The following EXOC6B variants were observed in gnomAD, a reference collection of about 807,000 sequenced individuals.
EXOC6B encodes the protein SEC15 homolog B.
Under a neutral mutation model 113.5 loss-of-function variants are expected in EXOC6B, and 54 were observed. The ratio of observed to expected loss-of-function variants is 0.48; its 90% CI spans 0.38 to 0.60. The LOEUF is 0.60. EXOC6B is among the 20% of genes least tolerant of loss of function. The pLI, the probability that EXOC6B is intolerant of heterozygous loss-of-function variation, is 0.00. For missense variants in EXOC6B, 797 were observed against 977.5 expected (o/e 0.82, Z 2.46); for synonymous variants, 357 against 339.0 (o/e 1.05, Z -0.58).
chr2:72,617,939 C>T (rs560210206), intron 6 of EXOC6B, among the ~76,000 whole-genome samples: 25 of 152,202 alleles, frequency 1.6e-4, no homozygotes, highest in Middle Eastern at 3.4e-3. Context: ...TCACCCCATT[C>T]GGGAGGTCTA....
chr2:72,543,553 C>T (rs904004376), intron 8 of EXOC6B, among the ~76,000 whole-genome samples: 4 of 152,096 alleles, frequency 2.6e-5, no homozygotes, highest in African/African-American at 9.7e-5. Flanking sequence ...CTTTTTCCCC[C>T]GCCTTGTTTT....
intron 7 of EXOC6B, among the ~76,000 whole-genome samples, chr2:72,574,608 G>C (rs1396557693): frequency 6.6e-6 from 1 of 152,086 alleles, no homozygotes; most frequent in Non-Finnish European, 1.5e-5. Flanking sequence ...ACAAAAAAAA[G>C]GCTACTGAGT....
intron 1 of EXOC6B, among the ~76,000 whole-genome samples, chr2:72,805,909 C>A (rs565495173): frequency 5.3e-5 from 8 of 152,298 alleles, no homozygotes; most frequent in Non-Finnish European, 8.8e-5. Flanking sequence ...TGGCTTCTTT[C>A]ACTTAGCATA....
At position 72,265,776 on chromosome 2, in the gene EXOC6B, G is replaced by A. The variant is rs553146432; in HGVS notation, c.2196+69171C>T. Among the ~76,000 whole-genome samples the A allele has an allele frequency of 2.0e-5, 3 of 152,136 alleles. No homozygotes were observed. In the East Asian group the frequency reaches 5.8e-4, roughly 29 times the overall value. ...TCCTTTGGGTATATACCCAGTAATGGGATGGCTGGGTCAAATGGTATTTCT... is the reference window on the plus strand; with the variant it reads ...TCCTTTGGGTATATACCCAGTAATGAGATGGCTGGGTCAAATGGTATTTCT... On this transcript the variant is annotated intron_variant, in intron 20 of 21. Transcript: ENST00000272427.
chr2:72,505,910 T>C (rs1046015261), intron 11 of EXOC6B, among the ~76,000 whole-genome samples: 6 of 152,302 alleles, frequency 3.9e-5, no homozygotes, highest in East Asian at 1.9e-4. Context: ...TTTTTGTTTT[T>C]TAACCTGCAA....
At chr2:72,372,018 T>C (rs1417919979) in intron 19 of EXOC6B, among the ~76,000 whole-genome samples, 1 of 152,166 alleles carries the variant, frequency 6.6e-6, no homozygotes, top group African/African-American at 2.4e-5. Flanking sequence ...GGCATTTCTA[T>C]ATGCCAACAG....
intron 11 of EXOC6B, among the ~76,000 whole-genome samples, chr2:72,501,583 C>T (rs901683365): frequency 1.3e-5 from 2 of 151,816 alleles, no homozygotes; most frequent in East Asian, 1.9e-4. Context: ...AGCCACTTTT[C>T]GATATGCTTT....
chr2:72,431,548 T>A (rs1361430799), intron 18 of EXOC6B, among the ~76,000 whole-genome samples: 1 of 146,426 alleles, frequency 6.8e-6, no homozygotes, highest in Non-Finnish European at 1.5e-5. Flanking sequence ...TAAGACCAGG[T>A]CTCTCTGTGT....
chr2:72,364,910 G>A (rs1690528379), intron 19 of EXOC6B, among the ~76,000 whole-genome samples: 1 of 152,064 alleles, frequency 6.6e-6, no homozygotes, highest in Non-Finnish European at 1.5e-5. Flanking sequence ...AAGAGAATGA[G>A]CTTCTATTTT....
At chr2:72,310,445 A>C (rs1687118866) in intron 20 of EXOC6B, among the ~76,000 whole-genome samples, 1 of 152,152 alleles carries the variant, frequency 6.6e-6, no homozygotes, top group Non-Finnish European at 1.5e-5. Flanking sequence ...TCCTTGAAGA[A>C]ATGTCTATTC....
chr2:72,577,212 A>T (rs1277278408), intron 6 of EXOC6B, among the ~76,000 whole-genome samples: 1 of 152,096 alleles, frequency 6.6e-6, no homozygotes, highest in African/African-American at 2.4e-5. Context: ...GAGATAGAGA[A>T]GTACCCCAAA....
rs541984010 is a variant in EXOC6B at position 72,557,296 on chromosome 2, G to A, written c.915+2157C>T. On this transcript the variant is annotated intron_variant, in intron 8 of 21. Coordinates refer to ENST00000272427, the MANE Select transcript of EXOC6B (RefSeq NM_015189.3). ...AATGAAACAAAATAAAATCCGGGGG[G>A]GGGGGGGGGCCTTTATGAACTGATA... is the stretch of plus-strand genomic sequence containing the variant. 3.0e-5 allele frequency among the ~76,000 whole-genome samples: 3 copies of A among 100,652 alleles called. 1 individual carries two copies. The highest frequency in any genetic ancestry group is 6.1e-5 in the Non-Finnish European group (3 of 49,552). 66.0% of individuals were successfully genotyped at this position (100,652 alleles called of 152,430 possible). A position where few individuals can be genotyped will look rare whatever the true frequency, so the allele number is the denominator to read the frequency against.
At position 72,556,152 on chromosome 2, in the gene EXOC6B, C is replaced by T. The variant is rs117037521; in HGVS notation, c.915+3301G>A. On this transcript the variant is annotated intron_variant, in intron 8 of 21. Transcript: ENST00000272427. Reference sequence around the variant, plus strand: ...GTCGAGGCAACAGATTTTTGAAATGCTAAAGGCATTTTTCTTGTTGACTTT... The same window carrying T: ...GTCGAGGCAACAGATTTTTGAAATGTTAAAGGCATTTTTCTTGTTGACTTT... Among the ~76,000 whole-genome samples, 45 of 152,300 alleles carry T rather than the reference C, an allele frequency of 3.0e-4. No individual in the cohort carries two copies. In the East Asian group the frequency reaches 8.1e-3, roughly 27 times the overall value.
intron 6 of EXOC6B, among the ~76,000 whole-genome samples, chr2:72,597,940 A>C (rs1223918225): frequency 6.6e-6 from 1 of 152,020 alleles, no homozygotes; most frequent in East Asian, 1.9e-4. Flanking sequence ...AATATGCATA[A>C]GGCAAAAACT....
At chr2:72,559,141 T>C (rs1271196521) in intron 8 of EXOC6B, among the ~76,000 whole-genome samples, 3 of 152,192 alleles carry the variant, frequency 2.0e-5, no homozygotes, top group Non-Finnish European at 2.9e-5. Flanking sequence ...ACAAATACTA[T>C]TTTAATGTGT....
chr2:72,765,669 T>A (rs1037803367), intron 1 of EXOC6B, among the ~76,000 whole-genome samples: 54 of 151,864 alleles, frequency 3.6e-4, no homozygotes, highest in African/African-American at 1.2e-3. Flanking sequence ...CAAGACTCCA[T>A]CTCAAAAAAA....
chr2:72,579,715 T>C (rs1361549862), intron 6 of EXOC6B, among the ~76,000 whole-genome samples: 1 of 152,098 alleles, frequency 6.6e-6, no homozygotes, highest in Non-Finnish European at 1.5e-5. Context: ...CTCAGAGAGT[T>C]AAAAATAATA....
intron 6 of EXOC6B, among the ~76,000 whole-genome samples, chr2:72,641,722 A>C (rs1333003298): frequency 6.6e-6 from 1 of 152,218 alleles, no homozygotes; most frequent in Non-Finnish European, 1.5e-5. Flanking sequence ...TTCTCTAAGC[A>C]CAGTGTCTGA....
chr2:72,648,572 C>T (rs1288703355), intron 6 of EXOC6B, among the ~76,000 whole-genome samples: 9 of 152,182 alleles, frequency 5.9e-5, no homozygotes, highest in Non-Finnish European at 1.5e-5. Context: ...AAATGTGGCA[C>T]ATATACACCA....
Sources: allele counts gnomAD v4.1 joint callset (sites outside exome capture counted in the v4.1 genomes callset), GRCh38; gene constraint gnomAD v4.1.1; transcripts MANE v1.5; gene names NCBI Gene and HGNC (gene_info 2026-07-23, HGNC 2026-07-21).